Variants in DCHS2 observed in about 807,000 individuals in gnomAD.
The protein encoded by DCHS2 is dachsous cadherin-related 2.
In DCHS2, 142 loss-of-function variants were observed where a neutral mutation model predicts 182.4. The observed-to-expected ratio is 0.78, with a 90% CI of 0.68 to 0.89. The LOEUF is 0.89. Ranked by LOEUF, DCHS2 falls within the 40% of genes least tolerant of loss-of-function variation. The pLI is 0.00. For missense variants in DCHS2, 4,319 were observed against 4,198.6 expected (o/e 1.03, Z -0.79); for synonymous variants, 1,740 against 1,663.3 (o/e 1.05, Z -1.12).
At chr4:154,289,063 A>C (rs1158254162) in intron 13 of DCHS2, among the ~76,000 whole-genome samples, 1 of 152,062 alleles carries the variant, frequency 6.6e-6, no homozygotes, top group Non-Finnish European at 1.5e-5. Context: ...AGCAGAAAAG[A>C]AATAACAAAG....
intron 1 of DCHS2, among the ~76,000 whole-genome samples, chr4:154,452,405 C>T (rs761158027): frequency 1.3e-5 from 2 of 152,052 alleles, no homozygotes; most frequent in African/African-American, 2.4e-5. Context: ...GGGTGGATCG[C>T]CTGGGGTCAG....
chr4:154,391,287 T>C (rs760051323), intron 1 of DCHS2: 1 of 1,594,764 alleles, frequency 6.3e-7, no homozygotes, highest in Non-Finnish European at 8.6e-7. Flanking sequence ...CGTTATCTCA[T>C]CCAGTCTCAT....
intron 1 of DCHS2, among the ~76,000 whole-genome samples, chr4:154,467,681 T>A (rs1359204949): frequency 6.6e-6 from 1 of 152,078 alleles, no homozygotes; most frequent in African/African-American, 2.4e-5. Flanking sequence ...AAATAGATAT[T>A]TGTAGGTTGA....
At chr4:154,367,468 A>G (rs989349292) in intron 2 of DCHS2, among the ~76,000 whole-genome samples, 1 of 152,198 alleles carries the variant, frequency 6.6e-6, no homozygotes, top group East Asian at 1.9e-4. Flanking sequence ...CACCTAAAGT[A>G]GTGAGAAGTG....
chr4:154,441,629 A>C (rs1283789029), intron 1 of DCHS2, among the ~76,000 whole-genome samples: 1 of 151,580 alleles, frequency 6.6e-6, no homozygotes, highest in African/African-American at 2.4e-5. Context: ...CCTGAATTAA[A>C]AAAAAAAACT....
chr4:154,491,540 G>T lies in DCHS2; in HGVS notation c.-185C>A. 1 of 1,389,558 alleles carries T rather than the reference G, an allele frequency of 7.2e-7. No individual in the cohort carries two copies. The highest frequency in any genetic ancestry group is 9.3e-7 in the Non-Finnish European group (1 of 1,078,490). The allele number at this position is 1,389,558 out of a possible 1,614,324, so 86.1% of individuals were successfully genotyped here. On this transcript the variant is annotated 5_prime_UTR_variant, in exon 1 of 20. In the 5' UTR this introduces an upstream ATG that the reference lacks. Coordinates refer to ENST00000357232, the MANE Select transcript of DCHS2 (RefSeq NM_001358235.2). ...CTGGTGAAAGCGTCCTCTGCCTGCA[G>T]CTCACGCAGACAGGGAAGTAAGCTC...
At chr4:154,346,641 T>C (rs1729373832) in intron 3 of DCHS2, among the ~76,000 whole-genome samples, 1 of 151,962 alleles carries the variant, frequency 6.6e-6, no homozygotes, top group African/African-American at 2.4e-5. Context: ...ATGCTTAAAG[T>C]CGAATTCCTG....
chr4:154,243,673 C>T (rs1401591312), intron 16 of DCHS2, among the ~76,000 whole-genome samples: 1 of 152,136 alleles, frequency 6.6e-6, no homozygotes, highest in Non-Finnish European at 1.5e-5. Flanking sequence ...GCAAACTGGA[C>T]ATGGGACTTT....
In DCHS2 at chr4:154,334,976, T is replaced by C. The variant is rs775757651; in HGVS notation, c.2605A>G (p.Thr869Ala). Reference protein sequence around the residue: ...NADVTIHIFQTTLAPAEFERP... With the variant: ...NADVTIHIFQATLAPAEFERP... The stretch of plus-strand genomic sequence containing the variant: ...TCAAACTCAGCAGGTGCCAGAGTTG[T>C]CTGGAAAATGTGTATGGTGACATCG... The change falls in exon 4 of 20, where the codon ACA becomes GCA. Residue 869 changes from threonine (T) to alanine (A), a missense_variant. Physicochemically the swap from Thr to Ala is moderately conservative, Grantham distance 58. Coordinates refer to ENST00000357232, the MANE Select transcript of DCHS2 (RefSeq NM_001358235.2). 1.2e-6 allele frequency: 2 copies of C among 1,614,042 alleles called. No individual in the cohort carries two copies. The highest frequency in any genetic ancestry group is 2.7e-5 in the African/African-American group (2 of 74,924).
intron 1 of DCHS2, among the ~76,000 whole-genome samples, chr4:154,464,795 T>C (rs766980180): frequency 8.5e-5 from 13 of 152,062 alleles, no homozygotes; most frequent in Admixed American, 2.0e-4. Flanking sequence ...CTACAAAGGG[T>C]TGGGGAAAGC....
At chr4:154,466,421 T>C (rs775621111) in intron 1 of DCHS2, among the ~76,000 whole-genome samples, 22 of 151,986 alleles carry the variant, frequency 1.4e-4, no homozygotes, top group Non-Finnish European at 2.6e-4. Context: ...ACAGATAGAG[T>C]AGGAACACTG....
At chr4:154,290,553 A>G (rs1463118082) in intron 13 of DCHS2, among the ~76,000 whole-genome samples, 8 of 149,410 alleles carry the variant, frequency 5.4e-5, no homozygotes, top group African/African-American at 1.7e-4. Context: ...ACAAAACTAT[A>G]GTAACAAAAC....
chr4:154,265,247 C>T (rs12643173), intron 14 of DCHS2, among the ~76,000 whole-genome samples: 73,037 of 151,934 alleles, frequency 0.48, 18,913 homozygotes, highest in Non-Finnish European at 0.58. Flanking sequence ...TGAGAAAAAG[C>T]ATAATGTACT....
chr4:154,413,337 A>G (rs1282517059), intron 1 of DCHS2, among the ~76,000 whole-genome samples: 1 of 152,256 alleles, frequency 6.6e-6, no homozygotes, highest in African/African-American at 2.4e-5. Flanking sequence ...GTTATGGTGT[A>G]GATGAACACC....
At chr4:154,346,934 A>G (rs2111397880) in intron 3 of DCHS2, among the ~76,000 whole-genome samples, 1 of 151,880 alleles carries the variant, frequency 6.6e-6, no homozygotes, top group Admixed American at 6.5e-5. Context: ...CCGACTTCAG[A>G]TTTGTATGTA....
intron 1 of DCHS2, among the ~76,000 whole-genome samples, chr4:154,387,501 A>C (rs1037353473): frequency 1.3e-5 from 2 of 152,180 alleles, no homozygotes; most frequent in Non-Finnish European, 1.5e-5. Flanking sequence ...CATGAGGAAA[A>C]ATCAGGATTG....
At chr4:154,459,759 TC>T (rs1734932964) in intron 1 of DCHS2, among the ~76,000 whole-genome samples, 1 of 151,454 alleles carries the variant, frequency 6.6e-6, no homozygotes, top group African/African-American at 2.4e-5. Context: ...TCTCTCTCTC[TC>T]TCTCTCTCTC....
At chr4:154,373,114 AT>A (rs1730720192) in intron 2 of DCHS2, among the ~76,000 whole-genome samples, 1 of 152,228 alleles carries the variant, frequency 6.6e-6, no homozygotes, top group Admixed American at 6.5e-5. Flanking sequence ...AAATAAACTC[AT>A]TATGGCCTAG....
chr4:154,305,521 A>G (rs1255040791), intron 10 of DCHS2, among the ~76,000 whole-genome samples: 2 of 152,162 alleles, frequency 1.3e-5, no homozygotes, highest in Non-Finnish European at 2.9e-5. Context: ...CAACTCTACA[A>G]CATATTCCTA....
Sources: allele counts gnomAD v4.1 joint callset (sites outside exome capture counted in the v4.1 genomes callset), GRCh38; gene constraint gnomAD v4.1.1; transcripts MANE v1.5; gene names NCBI Gene and HGNC (gene_info 2026-07-23, HGNC 2026-07-21).